Variants in KLK8 observed in about 807,000 individuals in gnomAD.
The protein encoded by KLK8 is kallikrein-8.
Under a neutral mutation model 26.7 loss-of-function variants are expected in KLK8, and 18 were observed. The ratio of observed to expected loss-of-function variants is 0.67; its 90% CI spans 0.47 to 1.00. The LOEUF (loss-of-function observed/expected upper bound fraction) is 1.00, where lower values mean the gene tolerates loss of function less well. Ranked by LOEUF, KLK8 falls within the 50% of genes least tolerant of loss-of-function variation. KLK8 has a pLI of 0.00. For missense variants in KLK8, 301 were observed against 331.7 expected, an observed-to-expected ratio of 0.91 and a Z score of 0.72; for synonymous variants, 137 against 127.1, an observed-to-expected ratio of 1.08 and a Z score of -0.52.
chr19:51,000,382 T>C (rs2091211316), intron 4 of KLK8, 42 bp downstream of exon 3: 1 of 1,562,748 alleles, frequency 6.4e-7, no homozygotes, highest in African/African-American at 1.4e-5. Context: ...GCCCCCTCTT[T>C]CCTTAAGCCC....
chr19:51,000,971 AC>A, intron 3 of KLK8, 126 bp downstream of exon 2: 1 of 935,756 alleles, frequency 1.1e-6, no homozygotes, highest in Non-Finnish European at 1.6e-6. Flanking sequence ...AGGCTCCTGC[AC>A]CGTATCGCAC....
At chr19:50,999,964 C>G in intron 5 of KLK8, 32 bp downstream of exon 4, 1 of 1,562,944 alleles carries the variant, frequency 6.4e-7, no homozygotes, top group Non-Finnish European at 8.7e-7. Flanking sequence ...CCAGCTCCTC[C>G]TCTCCCTCCC....
At position 51,000,558 on chromosome 19, in the gene KLK8, CT is replaced by C; in HGVS notation, c.95del (p.Lys32ArgfsTer32). On this transcript the variant is annotated frameshift_variant, in exon 4 of 7. Coordinates refer to ENST00000600767, the Ensembl canonical transcript of KLK8. LOFTEE classifies it high-confidence loss of function. ...GTTGGCACTCATGACCCCCCAGCACCTTGTCCTCCTGTGCCCTGGAGTGTCC... is the reference window on the plus strand; with the variant it reads ...GTTGGCACTCATGACCCCCCAGCACCTGTCCTCCTGTGCCCTGGAGTGTCC... The C allele has an allele frequency of 6.2e-7, 1 of 1,614,042 alleles. No individual in the cohort carries two copies. The highest frequency in any genetic ancestry group is 1.1e-5 in the South Asian group (1 of 91,068).
exon 7 of KLK8, chr19:50,996,190 A>T: frequency 6.2e-7 from 1 of 1,614,140 alleles, no homozygotes; most frequent in Non-Finnish European, 8.5e-7. Flanking sequence ...GCACCATCAC[A>T]CACCAGGGGG....
intron 3 of KLK8, 88 bp downstream of exon 2, chr19:51,001,010 A>G: frequency 3.2e-6 from 4 of 1,256,074 alleles, no homozygotes; most frequent in Non-Finnish European, 3.4e-6. Context: ...ACGCACCCAC[A>G]TAACCCCCGC....
chr19:50,997,284 C>T (rs2091178847), intron 6 of KLK8, among the ~76,000 whole-genome samples: 1 of 152,124 alleles, frequency 6.6e-6, no homozygotes, highest in South Asian at 2.1e-4. Context: ...ACCATTGTCT[C>T]CCAAGGAACC....
chr19:51,000,330 G>A lies in KLK8; in HGVS notation c.231-72C>T, dbSNP rs116971264. On this transcript the variant is annotated intron_variant, in intron 4 of 6. Coordinates refer to ENST00000600767, the Ensembl canonical transcript of KLK8. ...CAGCCCCCTCCTCCTTCAGACCCAG[G>A]AGTCCAGTCCTCAGCTCTCTCCTTC... The A allele has an allele frequency of 2.4e-4, 372 of 1,541,626 alleles. 3 individuals carry two copies. In the East Asian group the frequency reaches 7.0e-3, roughly 29 times the overall value.
chr19:51,000,627 G>A (rs1199699358), intron 3 of KLK8, 44 bp from the exon 3 acceptor site: 7 of 1,603,822 alleles, frequency 4.4e-6, no homozygotes, highest in Admixed American at 1.7e-5. Flanking sequence ...CTCTGGGGCA[G>A]TGCGAGGGCT....
chr19:51,000,193 G>A (rs1473925390), exon 5 of KLK8: 1 of 1,608,928 alleles, frequency 6.2e-7, no homozygotes, highest in Non-Finnish European at 8.5e-7. Flanking sequence ...CTGAACCACA[G>A]GTATTTCTTG....
chr19:50,999,624 A>AAAAAT (rs2091201890), intron 5 of KLK8, among the ~76,000 whole-genome samples: 1 of 143,240 alleles, frequency 7.0e-6, no homozygotes, highest in Non-Finnish European at 1.5e-5. Flanking sequence ...AAAAAAAAAA[A>AAAAAT]GGAGGGAGGT....
At chr19:51,000,153 G>A (rs762948612) in exon 5 of KLK8, 7 of 1,613,746 alleles carry the variant, frequency 4.3e-6, no homozygotes, top group Non-Finnish European at 5.9e-6. Context: ...CCTCCACATC[G>A]CTGCTGTTGT....
intron 6 of KLK8, among the ~76,000 whole-genome samples, chr19:50,997,464 T>C (rs2091180649): frequency 6.6e-6 from 1 of 152,142 alleles, no homozygotes; most frequent in Admixed American, 6.5e-5. Context: ...TTGCTGGACA[T>C]CTACCCCACC....
At chr19:51,000,318 C>G (rs891587960) in intron 4 of KLK8, 60 bp from the exon 4 acceptor site, 2 of 1,543,248 alleles carry the variant, frequency 1.3e-6, no homozygotes, top group African/African-American at 2.7e-5. Context: ...CCCCCTCCTC[C>G]TTCAGACCCA....
At chr19:50,997,867 G>A in exon 6 of KLK8, 1 of 1,614,134 alleles carries the variant, frequency 6.2e-7, no homozygotes. Flanking sequence ...GCACAGTTGA[G>A]AGTGTCAGGA....
intron 6 of KLK8, 75 bp downstream of exon 5, chr19:50,997,676 C>T: frequency 6.4e-7 from 1 of 1,559,990 alleles, no homozygotes; most frequent in Non-Finnish European, 8.8e-7. Flanking sequence ...TTACCACCCC[C>T]ACCCCCATCC....
intron 3 of KLK8, 162 bp from the exon 3 acceptor site, chr19:51,000,745 T>C (rs2091216696): frequency 1.3e-6 from 2 of 1,518,930 alleles, no homozygotes. Flanking sequence ...CTCATTTCAG[T>C]CCATGTGTCA....
rs774375257 is a variant in KLK8, at chr19:51,000,274, T to C, written c.231-16A>G. On this transcript the variant is annotated splice_polypyrimidine_tract_variant and intron_variant, in intron 4 of 6. Transcript: ENST00000600767. ...TGTGTATTTCCTGTAATGGTGGGGA[T>C]AGTTTGGGACCCAGGCAGGGGTATT... The C allele has an allele frequency of 1.5e-5, 24 of 1,562,802 alleles. No individual in the cohort carries two copies. In the South Asian group the frequency reaches 2.4e-4, roughly 16 times the overall value.
chr19:50,996,283 GCGT>G, intron 6 of KLK8, 69 bp from the exon 6 acceptor site: 1 of 1,547,972 alleles, frequency 6.5e-7, no homozygotes, highest in Non-Finnish European at 8.8e-7. Context: ...TGCTGTCCCA[GCGT>G]TTTACCAGTT....
At chr19:51,001,263 G>T in intron 2 of KLK8, 88 bp from the exon 2 acceptor site, 1 of 1,114,678 alleles carries the variant, frequency 9.0e-7, no homozygotes, top group Non-Finnish European at 1.3e-6. Context: ...AGGCAGCCGA[G>T]AGTATCTGGG....
Sources: allele counts gnomAD v4.1 joint callset (sites outside exome capture counted in the v4.1 genomes callset), GRCh38; gene constraint gnomAD v4.1.1; transcripts MANE v1.5; gene names NCBI Gene and HGNC (gene_info 2026-07-23, HGNC 2026-07-21).